FSTL1: variants seen among roughly 807,000 people sequenced by gnomAD.
FSTL1 encodes follistatin like 1, also known as follistatin-related protein 1.
Under a neutral mutation model 45.9 loss-of-function variants are expected in FSTL1, and 24 were observed. The observed-to-expected ratio is 0.52, with a 90% CI of 0.38 to 0.74. The LOEUF is 0.74. Among genes scored for constraint, FSTL1 ranks in the 30% least tolerant of loss-of-function variants. FSTL1 has a pLI of 0.00. For synonymous variants in FSTL1, 120 were observed against 137.6 expected, an observed-to-expected ratio of 0.87 and a Z score of 0.89; for missense variants, 340 against 381.8, an observed-to-expected ratio of 0.89 and a Z score of 0.91.
intron 7 of FSTL1, among the ~76,000 whole-genome samples, chr3:120,404,076 A>G (rs1467170793): frequency 6.6e-6 from 1 of 151,752 alleles, no homozygotes; most frequent in Non-Finnish European, 1.5e-5. Context: ...ACTCAAATGG[A>G]CTTGAGTTAG....
At chr3:120,437,992 A>G (rs796233787) in intron 2 of FSTL1, among the ~76,000 whole-genome samples, 20 of 152,270 alleles carry the variant, frequency 1.3e-4, no homozygotes, top group African/African-American at 4.8e-4. Context: ...CAGGGCAGGC[A>G]ATTCATTAAT....
chr3:120,408,828 C>G (rs113315963), intron 6 of FSTL1, among the ~76,000 whole-genome samples: 1 of 145,634 alleles, frequency 6.9e-6, no homozygotes, highest in Non-Finnish European at 1.5e-5. Context: ...GTGTGTGTGT[C>G]TGTTCTTGTC....
intron 6 of FSTL1, among the ~76,000 whole-genome samples, chr3:120,408,977 C>G (rs1350484150): frequency 6.6e-6 from 1 of 152,212 alleles, no homozygotes; most frequent in Non-Finnish European, 1.5e-5. Flanking sequence ...ATCTCTCCTG[C>G]TCCCAAGTGG....
chr3:120,403,983 CAAAA>C (rs59512220), intron 7 of FSTL1, among the ~76,000 whole-genome samples: 6,208 of 73,540 alleles, frequency 0.084, 322 homozygotes, highest in Admixed American at 0.21. Flanking sequence ...CAAAAAAAAA[CAAAA>C]AACAAAACAA....
intron 3 of FSTL1, 55 bp from the exon 4 acceptor site, chr3:120,412,038 CACACACACACACAT>C: frequency 1.6e-6 from 1 of 635,550 alleles, no homozygotes; most frequent in Non-Finnish European, 2.5e-6. Flanking sequence ...GACACACAGA[CACACACACACACAT>C]ACATGCACAC....
At chr3:120,444,062 G>A (rs1937685266) in intron 2 of FSTL1, among the ~76,000 whole-genome samples, 1 of 149,792 alleles carries the variant, frequency 6.7e-6, no homozygotes, top group Non-Finnish European at 1.5e-5. Context: ...AATGTTAGAA[G>A]GTCTGGCTTA....
At chr3:120,438,780 C>T (rs1262086015) in intron 2 of FSTL1, among the ~76,000 whole-genome samples, 3 of 152,136 alleles carry the variant, frequency 2.0e-5, no homozygotes, top group Non-Finnish European at 4.4e-5. Context: ...TTCATCCCAG[C>T]CCATCTCTGG....
intron 7 of FSTL1, among the ~76,000 whole-genome samples, chr3:120,403,990 C>G (rs1163978879): frequency 1.1e-5 from 1 of 91,432 alleles, no homozygotes; most frequent in South Asian, 3.8e-4. Context: ...AAACAAAAAA[C>G]AAAACAAACA....
intron 2 of FSTL1, among the ~76,000 whole-genome samples, chr3:120,439,348 C>T (rs955456083): frequency 1.3e-5 from 2 of 152,190 alleles, no homozygotes; most frequent in Non-Finnish European, 2.9e-5. Flanking sequence ...AGTTCCCAAA[C>T]TAGACTGACT....
intron 2 of FSTL1, chr3:120,441,538 A>T (rs973033536): frequency 1.3e-5 from 2 of 152,268 alleles, no homozygotes; most frequent in Non-Finnish European, 1.5e-5. Flanking sequence ...TAAATATCCT[A>T]GTTTTCTCTT....
At chr3:120,400,454 T>C (rs1379295607) in intron 9 of FSTL1, among the ~76,000 whole-genome samples, 2 of 152,216 alleles carry the variant, frequency 1.3e-5, no homozygotes, top group East Asian at 3.8e-4. Context: ...GCAGCCAGGG[T>C]TGACAACCAT....
At chr3:120,422,367 T>C (rs1010692988) in intron 2 of FSTL1, among the ~76,000 whole-genome samples, 2 of 152,234 alleles carry the variant, frequency 1.3e-5, no homozygotes, top group African/African-American at 4.8e-5. Flanking sequence ...ATGGTAACTA[T>C]GTAGAGGTAG....
chr3:120,412,836 GCGCACACACA>G (rs1302366761), intron 3 of FSTL1, among the ~76,000 whole-genome samples: 2 of 72,822 alleles, frequency 2.7e-5, no homozygotes, highest in African/African-American at 8.8e-5. Flanking sequence ...GCGCGCGCGC[GCGCACACACA>G]CACACACACA....
intron 5 of FSTL1, 175 bp downstream of exon 5, chr3:120,410,777 C>A (rs761207420): frequency 1.4e-6 from 1 of 713,524 alleles, no homozygotes. Flanking sequence ...CAAACACATA[C>A]ACAAATGTAG....
At chr3:120,450,337 T>G (rs1027724463) in intron 2 of FSTL1, among the ~76,000 whole-genome samples, 5 of 152,024 alleles carry the variant, frequency 3.3e-5, no homozygotes, top group African/African-American at 1.2e-4. Flanking sequence ...CTACTCTCAG[T>G]CTCCTCTGAA....
At chr3:120,402,593 T>G (rs1197511362) in intron 9 of FSTL1, among the ~76,000 whole-genome samples, 1 of 152,098 alleles carries the variant, frequency 6.6e-6, no homozygotes, top group Non-Finnish European at 1.5e-5. Context: ...ATTCCAAGCC[T>G]CTGGAGTGAT....
In FSTL1 at chr3:120,436,331, T is replaced by G. The variant is rs147471291; in HGVS notation, c.63+14353A>C. Among the ~76,000 whole-genome samples, 259 of 152,332 alleles carry G rather than the reference T, an allele frequency of 1.7e-3. No individual in the cohort carries two copies. In the Middle Eastern group the frequency reaches 0.027, roughly 16 times the overall value. ...ACCCAACATTTAGCCAAGACTTGAA[T>G]GTCTGGCCTCTACTCAAAACATTTC... On this transcript the variant is annotated intron_variant, in intron 2 of 10. Transcript: ENST00000295633.
chr3:120,415,268 A>T (rs1937167665), intron 3 of FSTL1, among the ~76,000 whole-genome samples: 1 of 152,206 alleles, frequency 6.6e-6, no homozygotes, highest in African/African-American at 2.4e-5. Flanking sequence ...TTGCACAAGG[A>T]TGTTATTGGT....
In FSTL1 at chr3:120,434,451, G is replaced by T. The variant is rs140207700; in HGVS notation, c.63+16233C>A. 2.3e-4 allele frequency among the ~76,000 whole-genome samples: 35 copies of T among 152,260 alleles called. No homozygotes were observed. The East Asian group carries it at 6.8e-3, about 29-fold the overall frequency. ...TAGTTTATGAGGTGAGTTCAGCAAG[G>T]CCACTAAGACCTGGGGTCACATATA... On this transcript the variant is annotated intron_variant, in intron 2 of 10. Coordinates refer to ENST00000295633, the MANE Select transcript of FSTL1 (RefSeq NM_007085.5).
Sources: gnomAD v4.1 joint callset for allele counts (sites outside exome capture counted in the v4.1 genomes callset) on GRCh38, gnomAD v4.1.1 for gene constraint, MANE v1.5 for transcripts, NCBI Gene and HGNC (gene_info 2026-07-23, HGNC 2026-07-21) for gene names.